The following TMC7 variants were observed in gnomAD, a reference collection of about 807,000 sequenced individuals.
TMC7 encodes transmembrane channel-like protein 7.
Under a neutral mutation model 82.9 loss-of-function variants are expected in TMC7, and 54 were observed. The observed-to-expected ratio is 0.65, with a 90% confidence interval of 0.52 to 0.82. The LOEUF is 0.82. TMC7 is among the 40% of genes least tolerant of loss of function. TMC7 has a pLI of 0.00. For missense variants in TMC7, 820 were observed against 901.2 expected (o/e 0.91, Z 1.15); for synonymous variants, 350 against 337.9 (o/e 1.04, Z -0.39).
chr16:19,008,986 C>T (rs1374528576), intron 1 of TMC7, among the ~76,000 whole-genome samples, 186 bp from the exon 2 acceptor site: 1 of 152,062 alleles, frequency 6.6e-6, no homozygotes, highest in Admixed American at 6.6e-5. Flanking sequence ...GAAAGCGAGC[C>T]CATCTGCAGA....
chr16:19,014,933 T>C (rs1364282023), intron 2 of TMC7, among the ~76,000 whole-genome samples: 1 of 152,176 alleles, frequency 6.6e-6, no homozygotes, highest in Non-Finnish European at 1.5e-5. Flanking sequence ...ATTTTTCTTT[T>C]GGCTTTTATT....
At chr16:19,009,925 A>G (rs1414723761) in intron 2 of TMC7, among the ~76,000 whole-genome samples, 1 of 137,436 alleles carries the variant, frequency 7.3e-6, no homozygotes, top group Non-Finnish European at 1.5e-5. Context: ...TGGGGAACAG[A>G]GTGAGACTCC....
intron 9 of TMC7, among the ~76,000 whole-genome samples, chr16:19,040,892 C>A (rs1460081195): frequency 7.5e-6 from 1 of 133,850 alleles, no homozygotes; most frequent in African/African-American, 2.8e-5. Flanking sequence ...TTCTTTGATT[C>A]TTTTTTTTTT....
At chr16:19,047,588 G>A (rs1188487141) in intron 12 of TMC7, among the ~76,000 whole-genome samples, 3 of 151,690 alleles carry the variant, frequency 2.0e-5, no homozygotes, top group Admixed American at 2.0e-4. Context: ...GTAGAGACGG[G>A]GTTTCACCAT....
chr16:19,042,973 C>T (rs1284809270), intron 9 of TMC7, among the ~76,000 whole-genome samples: 1 of 151,954 alleles, frequency 6.6e-6, no homozygotes, highest in Non-Finnish European at 1.5e-5. Context: ...GTCTCGATCT[C>T]CTGACCTCGT....
At position 19,042,841 on chromosome 16, in the gene TMC7, G is replaced by A. The variant is rs574310051; in HGVS notation, c.1338-2043G>A. Among the ~76,000 whole-genome samples the A allele has an allele frequency of 3.3e-5, 5 of 151,978 alleles. No homozygotes were observed. In the South Asian group the frequency reaches 8.3e-4, roughly 25 times the overall value. ...GGCTCACTGCAAGCTCCGCCTCCCG[G>A]GTTCACGCCATTCTCCTGCCTCAGC... On this transcript the variant is annotated intron_variant, in intron 9 of 15. Transcript: ENST00000304381.
chr16:19,014,972 G>GT lies in TMC7; in HGVS notation c.312-1469dup, dbSNP rs112116088. ...ATTATTTTTATTTAATTGTTTTTTT[G>GT]TTTTTTTTTGATATGGAGTCTCGCT... On this transcript the variant is annotated intron_variant, in intron 2 of 15. Coordinates refer to ENST00000304381, the MANE Select transcript of TMC7 (RefSeq NM_024847.4). Among the ~76,000 whole-genome samples the GT allele has an allele frequency of 8.2e-4, 123 of 150,192 alleles. 1 individual carries two copies. The South Asian group carries it at 0.01, about 12-fold the overall frequency.
rs187025569 is a variant in TMC7 at position 19,038,470 on chromosome 16, C to T, written c.1179+423C>T. Among the ~76,000 whole-genome samples the T allele has an allele frequency of 9.7e-3, 1,472 of 152,196 alleles. 33 individuals are homozygous for T. Among genetic ancestry groups the T allele is most frequent in the African/African-American group, 0.033 (1,387 of 41,530 alleles). On this transcript the variant is annotated intron_variant, in intron 8 of 15. Coordinates refer to ENST00000304381, the MANE Select transcript of TMC7 (RefSeq NM_024847.4). ...TCCACCTCCCAAAGTGCTGGGATTA[C>T]AGGTGTGAGCCATTGTGCCCTGCCC...
intron 1 of TMC7, among the ~76,000 whole-genome samples, chr16:18,987,545 A>G (rs1007728372): frequency 6.6e-6 from 1 of 151,996 alleles, no homozygotes; most frequent in African/African-American, 2.4e-5. Context: ...ACATCAAGTG[A>G]TCCGCCCACC....
intron 2 of TMC7, among the ~76,000 whole-genome samples, chr16:19,014,649 A>G (rs1371531447): frequency 2.0e-5 from 3 of 151,926 alleles, no homozygotes; most frequent in South Asian, 2.1e-4. Flanking sequence ...TCCAACACCA[A>G]CTTGGACTTG....
At chr16:19,021,477 G>A (rs1476968301) in intron 3 of TMC7, 152 bp from the exon 4 acceptor site, 1 of 759,772 alleles carries the variant, frequency 1.3e-6, no homozygotes, top group Non-Finnish European at 2.1e-6. Context: ...AGAAGATCGA[G>A]TCTTAAAGCT....
Position 19,051,703 on chromosome 16 carries a change from C to G in TMC7, c.1758C>G (p.Thr586=). The G allele has an allele frequency of 6.2e-7, 1 of 1,613,894 alleles. No individual in the cohort carries two copies. Among genetic ancestry groups the G allele is most frequent in the Non-Finnish European group, 8.5e-7 (1 of 1,179,992 alleles). The change falls in exon 13 of 16, where the codon ACC becomes ACG. Residue 586 remains threonine (T), a synonymous_variant. Coordinates refer to ENST00000304381, the MANE Select transcript of TMC7 (RefSeq NM_024847.4). ...FYVKEWSLLY[T]CRPSPRPFRA... ...CCTTGTAGTGGAGTCTGCTTTACAC[C>G]TGCAGACCCTCCCCCAGGCCGTTCA...
intron 1 of TMC7, among the ~76,000 whole-genome samples, chr16:18,987,628 T>C (rs1290546115): frequency 6.6e-6 from 1 of 152,150 alleles, no homozygotes; most frequent in East Asian, 1.9e-4. Context: ...TCCTAGAATG[T>C]GGATGCCTTG....
rs183840925 is a variant in TMC7, at chr16:18,992,690, G to A, written c.67+8560G>A. On this transcript the variant is annotated intron_variant, in intron 1 of 15. Coordinates refer to ENST00000304381, the MANE Select transcript of TMC7 (RefSeq NM_024847.4). ...CCTTGCCCATGCCTATGTCCTGAAT[G>A]GTATTGCCTAGGTTTTCTTCTAGGG... 7.7e-3 allele frequency among the ~76,000 whole-genome samples: 1,169 copies of A among 152,224 alleles called. 15 individuals carry two copies. The highest frequency in any genetic ancestry group is 0.054 in the Middle Eastern group (16 of 294).
In TMC7 at chr16:19,045,441, A is replaced by C; in HGVS notation, c.1553+3A>C. On this transcript the variant is annotated splice_donor_region_variant and intron_variant, in intron 11 of 15. Transcript: ENST00000304381. ...CTCTTCGTGGATTTTCCTAGAAAGT[A>C]AGTGCGAGGGGTGCCCATATTATCC... The C allele has an allele frequency of 6.2e-7, 1 of 1,608,214 alleles. No homozygotes were observed. The highest frequency in any genetic ancestry group is 8.5e-7 in the Non-Finnish European group (1 of 1,174,842).
intron 12 of TMC7, 148 bp downstream of exon 12, chr16:19,047,397 T>A: frequency 1.4e-6 from 1 of 710,744 alleles, no homozygotes; most frequent in Non-Finnish European, 2.2e-6. Flanking sequence ...TAGAAAAATA[T>A]TGCTTTTTTT....
intron 5 of TMC7, among the ~76,000 whole-genome samples, chr16:19,023,511 A>G (rs1960080773): frequency 6.6e-6 from 1 of 152,110 alleles, no homozygotes; most frequent in Non-Finnish European, 1.5e-5. Context: ...CAGTGGTGCA[A>G]TCTTGGCTCA....
intron 6 of TMC7, among the ~76,000 whole-genome samples, chr16:19,033,300 A>C (rs1372344661): frequency 6.6e-6 from 1 of 152,156 alleles, no homozygotes; most frequent in Non-Finnish European, 1.5e-5. Context: ...CATCCTTATC[A>C]TCAAAGTAGC....
At chr16:19,022,486 A>T (rs183027418) in intron 4 of TMC7, among the ~76,000 whole-genome samples, 2 of 152,294 alleles carry the variant, frequency 1.3e-5, no homozygotes, top group Admixed American at 1.3e-4. Flanking sequence ...TAGATACACA[A>T]ATACTTAACA....
Sources: allele counts gnomAD v4.1 joint callset (sites outside exome capture counted in the v4.1 genomes callset), GRCh38; gene constraint gnomAD v4.1.1; transcripts MANE v1.5; gene names NCBI Gene and HGNC (gene_info 2026-07-23, HGNC 2026-07-21).